The following SLC4A10 variants were observed in gnomAD, a reference collection of about 807,000 sequenced individuals.
SLC4A10 encodes the protein solute carrier family 4 member 10.
A neutral mutation model predicts 137.7 loss-of-function variants in SLC4A10; 42 were observed. The ratio of observed to expected loss-of-function variants is 0.30; its 90% CI spans 0.24 to 0.39. SLC4A10 has a LOEUF of 0.39. SLC4A10 is among the 10% of genes least tolerant of loss of function. The pLI, the probability that SLC4A10 is intolerant of heterozygous loss-of-function variation, is 1.00. For synonymous variants in SLC4A10, 474 were observed against 464.1 expected, an observed-to-expected ratio of 1.02 and a Z score of -0.27; for missense variants, 925 against 1,355.0, an observed-to-expected ratio of 0.68 and a Z score of 4.98.
At position 161,631,607 on chromosome 2, in the gene SLC4A10, C is replaced by CAG. The variant is rs1328579041; in HGVS notation, c.48+7053_48+7054dup. Reference sequence around the variant, plus strand: ...AGAATATATGGTGCATTTTATGTACCAGAGAGAGAGAGAACTATTTCACTT... The same window carrying CAG: ...AGAATATATGGTGCATTTTATGTACCAGAGAGAGAGAGAGAACTATTTCACTT... On this transcript the variant is annotated intron_variant, in intron 1 of 26. Coordinates refer to ENST00000446997, the MANE Select transcript of SLC4A10 (RefSeq NM_001178015.2). Among the ~76,000 whole-genome samples the CAG allele has an allele frequency of 4.6e-5, 7 of 151,112 alleles. No homozygotes were observed. In the East Asian group the frequency reaches 9.7e-4, roughly 21 times the overall value.
chr2:161,677,945 A>T (rs2040443338), intron 1 of SLC4A10, among the ~76,000 whole-genome samples: 1 of 152,096 alleles, frequency 6.6e-6, no homozygotes, highest in Non-Finnish European at 1.5e-5. Context: ...TATATCCTGA[A>T]ATCACGTGGT....
intron 1 of SLC4A10, among the ~76,000 whole-genome samples, chr2:161,718,410 T>C (rs997436746): frequency 1.3e-5 from 2 of 152,166 alleles, no homozygotes; most frequent in Admixed American, 1.3e-4. Context: ...GGGTTTGAGA[T>C]ATTGCTAGCA....
At chr2:161,972,302 A>C (rs1698674011) in intron 23 of SLC4A10, among the ~76,000 whole-genome samples, 1 of 152,138 alleles carries the variant, frequency 6.6e-6, no homozygotes, top group East Asian at 1.9e-4. Flanking sequence ...GGAAAAAGGA[A>C]CCTTTTCTAC....
intron 15 of SLC4A10, among the ~76,000 whole-genome samples, chr2:161,938,246 G>A (rs1440156501): frequency 1.3e-5 from 2 of 152,068 alleles, no homozygotes; most frequent in South Asian, 2.1e-4. Flanking sequence ...ACTCCAGTCT[G>A]GGGGACAGAG....
intron 3 of SLC4A10, among the ~76,000 whole-genome samples, chr2:161,825,095 A>G (rs1227927): frequency 0.022 from 3,340 of 152,274 alleles, 128 homozygotes; most frequent in African/African-American, 0.075. Flanking sequence ...TACACATAAT[A>G]TACACATTAT....
chr2:161,692,391 A>C (rs2042089357), intron 1 of SLC4A10, among the ~76,000 whole-genome samples: 1 of 152,116 alleles, frequency 6.6e-6, no homozygotes, highest in African/African-American at 2.4e-5. Context: ...TATTGTGAGA[A>C]TAATATTCCT....
chr2:161,938,777 A>G (rs1192877596), intron 15 of SLC4A10, among the ~76,000 whole-genome samples: 1 of 151,236 alleles, frequency 6.6e-6, no homozygotes, highest in Admixed American at 6.6e-5. Flanking sequence ...CTCTGAAATG[A>G]GAAAGCAAAC....
intron 26 of SLC4A10, among the ~76,000 whole-genome samples, 164 bp downstream of exon 26, chr2:161,977,924 T>C (rs529517499): frequency 6.6e-6 from 1 of 152,258 alleles, no homozygotes; most frequent in African/African-American, 2.4e-5. Context: ...TTTGATGATA[T>C]ATCTGTAACA....
intron 1 of SLC4A10, among the ~76,000 whole-genome samples, chr2:161,637,092 TACG>T (rs2034541073): frequency 8.0e-6 from 1 of 125,150 alleles, no homozygotes; most frequent in East Asian, 2.6e-4. Context: ...TATATACATA[TACG>T]TATATACGTA....
chr2:161,677,278 T>C (rs2040370503), intron 1 of SLC4A10, among the ~76,000 whole-genome samples: 1 of 152,170 alleles, frequency 6.6e-6, no homozygotes. Context: ...GCAGCCTGGA[T>C]ACCTCACTGG....
chr2:161,976,891 A>G lies in SLC4A10; in HGVS notation c.3344+15A>G. 1 of 1,398,750 alleles carries G rather than the reference A, an allele frequency of 7.1e-7. No individual in the cohort carries two copies. Among genetic ancestry groups the G allele is most frequent in the Non-Finnish European group, 9.8e-7 (1 of 1,015,290 alleles). 86.6% of individuals were successfully genotyped at this position (1,398,750 alleles called of 1,614,324 possible). The stretch of plus-strand genomic sequence containing the variant: ...CCTTCCAAAAGGTTTGGATTTTAAA[A>G]TAATGAGAATTTATACTAATTCCAA... On this transcript the variant is annotated intron_variant, in intron 25 of 26. Coordinates refer to ENST00000446997, the MANE Select transcript of SLC4A10 (RefSeq NM_001178015.2).
chr2:161,984,954 C>A lies in SLC4A10; in HGVS notation c.*1802C>A, dbSNP rs1271724920. 1.3e-5 allele frequency: 2 copies of A among 151,936 alleles called. No homozygotes were observed. Among genetic ancestry groups the A allele is most frequent in the Non-Finnish European group, 2.9e-5 (2 of 67,914 alleles). The allele number at this position is 151,936 out of a possible 1,614,324, so 9.4% of individuals were successfully genotyped here. A position where few individuals can be genotyped will look rare whatever the true frequency, so the allele number is the denominator to read the frequency against. On this transcript the variant is annotated 3_prime_UTR_variant, in exon 27 of 27. Transcript: ENST00000446997. Reference sequence around the variant, plus strand: ...TGAATTTAAATCTTCACATGATCACCTATTTGAATAAGCAATCATATCCAA... The same window carrying A: ...TGAATTTAAATCTTCACATGATCACATATTTGAATAAGCAATCATATCCAA...
At chr2:161,754,639 G>A (rs1344626683) in intron 1 of SLC4A10, among the ~76,000 whole-genome samples, 3 of 152,110 alleles carry the variant, frequency 2.0e-5, no homozygotes, top group African/African-American at 7.2e-5. Flanking sequence ...TGTAGGATTT[G>A]AAGTCATTTG....
chr2:161,802,063 G>A (rs1453590687), intron 2 of SLC4A10, among the ~76,000 whole-genome samples: 2 of 151,932 alleles, frequency 1.3e-5, no homozygotes, highest in African/African-American at 2.4e-5. Flanking sequence ...AGCCTTATTG[G>A]TAAAGGGCTT....
At chr2:161,889,047 G>A (rs2062629743) in intron 10 of SLC4A10, among the ~76,000 whole-genome samples, 1 of 152,132 alleles carries the variant, frequency 6.6e-6, no homozygotes, top group Non-Finnish European at 1.5e-5. Context: ...ATAATCATGT[G>A]GTTTTTGTCA....
intron 15 of SLC4A10, among the ~76,000 whole-genome samples, chr2:161,930,175 G>A (rs994370255): frequency 1.1e-4 from 16 of 152,214 alleles, no homozygotes; most frequent in South Asian, 2.1e-4. Flanking sequence ...GAGAAGCTTC[G>A]TTTGTTTAAC....
intron 4 of SLC4A10, among the ~76,000 whole-genome samples, chr2:161,843,968 G>A (rs1451580358): frequency 1.3e-5 from 2 of 151,980 alleles, no homozygotes; most frequent in African/African-American, 4.8e-5. Context: ...AAACCAGCTG[G>A]TCACTTTTAA....
At chr2:161,959,657 G>A (rs13011013) in intron 21 of SLC4A10, among the ~76,000 whole-genome samples, 48,042 of 152,070 alleles carry the variant, frequency 0.32, 8,929 homozygotes, top group Admixed American at 0.42. Context: ...ATGAGAAAGA[G>A]GATGAAGTGC....
intron 21 of SLC4A10, among the ~76,000 whole-genome samples, chr2:161,959,576 G>A (rs1424131070): frequency 6.6e-6 from 1 of 152,122 alleles, no homozygotes; most frequent in Non-Finnish European, 1.5e-5. Flanking sequence ...CTCAAACCAT[G>A]GAATGTGACT....
Sources: allele counts gnomAD v4.1 joint callset (sites outside exome capture counted in the v4.1 genomes callset), GRCh38; gene constraint gnomAD v4.1.1; transcripts MANE v1.5; gene names NCBI Gene and HGNC (gene_info 2026-07-23, HGNC 2026-07-21).